GCNA: variants seen among roughly 807,000 people sequenced by gnomAD.
The protein encoded by GCNA is germ cell nuclear acidic protein.
GCNA carries 3 observed loss-of-function variants against 38.8 expected under a neutral mutation model. The ratio of observed to expected loss-of-function variants is 0.08; its 90% CI spans 0.04 to 0.20. GCNA has a LOEUF of 0.20. Among genes scored for constraint, GCNA ranks in the 10% least tolerant of loss-of-function variants. The probability of loss-of-function intolerance (pLI) is 1.00; values close to 1 mark genes in which losing one functional copy is unlikely to be tolerated. For missense variants in GCNA, 446 were observed against 578.6 expected (o/e 0.77, Z 2.35); for synonymous variants, 195 against 240.2 (o/e 0.81, Z 1.74).
intron 1 of GCNA, chrX:71,580,298 G>T (rs1286400829): frequency 9.2e-6 from 1 of 108,877 alleles, no homozygotes; most frequent in Non-Finnish European, 1.9e-5. Flanking sequence ...TGGGGTGGTA[G>T]AGGCCTGAGT....
intron 2 of GCNA, among the ~76,000 whole-genome samples, chrX:71,590,485 G>A (rs1482961019): frequency 8.9e-6 from 1 of 111,955 alleles, no homozygotes; most frequent in East Asian, 2.8e-4. Context: ...AAACCGTACA[G>A]CCAGCAAAAG....
intron 1 of GCNA, 172 bp from the exon 2 acceptor site, chrX:71,580,648 G>A: frequency 5.5e-6 from 2 of 360,685 alleles, no homozygotes; most frequent in East Asian, 5.1e-5. Flanking sequence ...CTAATTTTTT[G>A]TATTTTTAAT....
intron 2 of GCNA, among the ~76,000 whole-genome samples, chrX:71,585,473 G>A (rs1010915968): frequency 9.0e-6 from 1 of 110,661 alleles, no homozygotes; most frequent in Non-Finnish European, 1.9e-5. Flanking sequence ...TGTGAATTTG[G>A]TTGACAGGAG....
intron 2 of GCNA, among the ~76,000 whole-genome samples, chrX:71,586,672 C>T (rs1350761722): frequency 4.5e-5 from 5 of 110,459 alleles, no homozygotes; most frequent in East Asian, 2.8e-4. Flanking sequence ...TGCAGTGGTG[C>T]GATCTCAGCT....
intron 2 of GCNA, among the ~76,000 whole-genome samples, chrX:71,590,679 T>A (rs757083290): frequency 1.8e-5 from 2 of 110,439 alleles, no homozygotes; most frequent in South Asian, 7.8e-4. Context: ...AAGAAGTGGC[T>A]AAGTCTAATT....
At position 71,612,847 on chromosome X, in the gene GCNA, TC is replaced by T. The variant is rs750679090; in HGVS notation, c.1956-13del. The T allele has an allele frequency of 1.1e-4, 127 of 1,206,326 alleles. No homozygotes were observed. The highest frequency in any genetic ancestry group is 1.4e-4 in the Non-Finnish European group (123 of 893,439). On this transcript the variant is annotated splice_polypyrimidine_tract_variant and intron_variant, in intron 12 of 12. Coordinates refer to ENST00000373696, the MANE Select transcript of GCNA (RefSeq NM_052957.5). ...GACTGATTCTTTTGTTGTGTGTTGTTCCATTCCTTCCCAGGATTGGCTGCTA... is the reference window on the plus strand; with the variant it reads ...GACTGATTCTTTTGTTGTGTGTTGTTCATTCCTTCCCAGGATTGGCTGCTA...
intron 4 of GCNA, 80 bp downstream of exon 4, chrX:71,592,650 GA>G: frequency 1.8e-6 from 1 of 553,265 alleles, no homozygotes; most frequent in East Asian, 3.9e-5. Context: ...TCTGTCTAAG[GA>G]AATTTAAGAG....
chrX:71,597,003 G>C (rs1489546321), intron 6 of GCNA, among the ~76,000 whole-genome samples: 2 of 112,040 alleles, frequency 1.8e-5, no homozygotes, highest in East Asian at 5.6e-4. Context: ...AATTGGGCTG[G>C]TGTAATTAAT....
chrX:71,580,731 C>T (rs2040540285), intron 1 of GCNA, 89 bp from the exon 2 acceptor site: 3 of 898,193 alleles, frequency 3.3e-6, no homozygotes, highest in South Asian at 2.3e-5. Flanking sequence ...GCCTCGGCCT[C>T]CCAAAGTGCT....
chrX:71,583,474 G>A (rs1301457688), intron 2 of GCNA, among the ~76,000 whole-genome samples: 2 of 110,433 alleles, frequency 1.8e-5, no homozygotes, highest in Middle Eastern at 4.2e-3. Context: ...AAAAAGCGGG[G>A]GGTGTGGAGG....
At chrX:71,583,424 C>T (rs948316166) in intron 2 of GCNA, among the ~76,000 whole-genome samples, 7 of 110,638 alleles carry the variant, frequency 6.3e-5, no homozygotes, top group Non-Finnish European at 1.3e-4. Context: ...TGAGACCAGC[C>T]TGGGCAACAT....
chrX:71,597,334 C>T (rs1796943881), intron 6 of GCNA, among the ~76,000 whole-genome samples: 1 of 111,280 alleles, frequency 9.0e-6, no homozygotes, highest in African/African-American at 3.3e-5. Flanking sequence ...TGTTTGGGGA[C>T]AGGAAGGTGG....
At chrX:71,609,601 A>G (rs1463366381) in intron 10 of GCNA, among the ~76,000 whole-genome samples, 1 of 112,299 alleles carries the variant, frequency 8.9e-6, no homozygotes, top group Admixed American at 9.4e-5. Flanking sequence ...TTACCCTTAC[A>G]TAAGTTAATA....
intron 2 of GCNA, among the ~76,000 whole-genome samples, chrX:71,581,488 G>A (rs1189310592): frequency 8.9e-6 from 1 of 111,740 alleles, no homozygotes; most frequent in Admixed American, 9.5e-5. Flanking sequence ...GCATGCAAGG[G>A]TATGATATGG....
chrX:71,612,909 C>A lies in GCNA; in HGVS notation c.2003C>A (p.Ala668Asp). ...TTGGACACCAGCCGCTTCATCTGTG[C>A]CAAATGCAAGGGGTCTCTGGTCATG... is the stretch of plus-strand genomic sequence containing the variant. ...KSLDTSRFIC[A>D]KCKGSLVMVP... is the part of the protein sequence containing the mutation. The change falls in exon 13 of 13, where the codon GCC becomes GAC. Residue 668 changes from alanine to aspartate, a missense_variant. Coordinates refer to ENST00000373696, the MANE Select transcript of GCNA (RefSeq NM_052957.5). 1.7e-6 allele frequency: 2 copies of A among 1,211,582 alleles called. No individual in the cohort carries two copies. The highest frequency in any genetic ancestry group is 4.4e-5 in the Admixed American group (2 of 45,970).
Position 71,612,349 on chromosome X carries a change from T to C in GCNA, c.1751-6T>C. On this transcript the variant is annotated splice_polypyrimidine_tract_variant and splice_region_variant and intron_variant, in intron 11 of 12. Transcript: ENST00000373696. ...TGCTCACATTTCTTTTCATTCTTCT[T>C]TCAAGACCGAATCCGGGATACCTTG... is the stretch of plus-strand genomic sequence containing the variant. 8.4e-7 allele frequency: 1 copy of C among 1,185,165 alleles called. No homozygotes were observed. The highest frequency in any genetic ancestry group is 1.1e-6 in the Non-Finnish European group (1 of 877,022).
intron 2 of GCNA, among the ~76,000 whole-genome samples, chrX:71,589,177 G>GTT (rs1212269857): frequency 9.8e-6 from 1 of 102,400 alleles, no homozygotes; most frequent in African/African-American, 3.5e-5. Context: ...TTTGAGGTTT[G>GTT]TTTTTTTTTT....
In GCNA at chrX:71,604,548, C is replaced by G. The variant is rs772912590; in HGVS notation, c.1271C>G (p.Pro424Arg). Reference sequence around the variant, plus strand: ...AAAACCAAAACTATTGTGGAGCCACCGAGGAAAAGGCAGACAAAGACCAAA... The same window carrying G: ...AAAACCAAAACTATTGTGGAGCCACGGAGGAAAAGGCAGACAAAGACCAAA... ...KSKTKTIVEPPRKRQTKTKNI... is the reference protein window; with the variant it reads ...KSKTKTIVEPRRKRQTKTKNI... Residue 424 changes from proline (P) to arginine (R), a missense_variant, in exon 8 of 13, where the codon CCG becomes CGG. Transcript: ENST00000373696. 1 of 1,190,833 alleles carries G rather than the reference C, an allele frequency of 8.4e-7. No individual in the cohort carries two copies. The highest frequency in any genetic ancestry group is 1.1e-6 in the Non-Finnish European group (1 of 885,382).
intron 7 of GCNA, among the ~76,000 whole-genome samples, chrX:71,602,379 G>T (rs975350033): frequency 1.8e-5 from 2 of 110,967 alleles, no homozygotes; most frequent in Non-Finnish European, 3.8e-5. Flanking sequence ...TAGAGATGGG[G>T]TTCTGCCATG....
Sources: gnomAD v4.1 joint callset for allele counts (sites outside exome capture counted in the v4.1 genomes callset) on GRCh38, gnomAD v4.1.1 for gene constraint, MANE v1.5 for transcripts, NCBI Gene and HGNC (gene_info 2026-07-23, HGNC 2026-07-21) for gene names.